CLIP1: variants seen among roughly 807,000 people sequenced by gnomAD.
The protein encoded by CLIP1 is CAP-Gly domain containing linker protein 1.
In CLIP1, 66 loss-of-function variants were observed where a neutral mutation model predicts 161.6. The observed-to-expected ratio is 0.41, with a 90% CI of 0.33 to 0.50. The LOEUF (loss-of-function observed/expected upper bound fraction) is 0.50. Ranked by LOEUF, CLIP1 falls within the 20% of genes least tolerant of loss-of-function variation. The probability of loss-of-function intolerance (pLI) is 0.27; values close to 1 mark genes in which losing one functional copy is unlikely to be tolerated. For missense variants in CLIP1, 1,376 were observed against 1,702.0 expected (o/e 0.81, Z 3.37); for synonymous variants, 598 against 626.2 (o/e 0.96, Z 0.67).
intron 5 of CLIP1, among the ~76,000 whole-genome samples, chr12:122,358,257 C>G (rs1434946723): frequency 6.6e-6 from 1 of 151,168 alleles, no homozygotes; most frequent in Non-Finnish European, 1.5e-5. Context: ...CGTTAAGAGT[C>G]ATCACCACTC....
At chr12:122,319,175 C>T (rs987257127) in intron 18 of CLIP1, 57 bp downstream of exon 18, 7 of 1,218,796 alleles carry the variant, frequency 5.7e-6, no homozygotes, top group African/African-American at 4.5e-5. Context: ...AGTGACCAAA[C>T]ATTCTACCAA....
intron 1 of CLIP1, among the ~76,000 whole-genome samples, chr12:122,390,187 A>ATATATATATATG: frequency 7.3e-6 from 1 of 136,906 alleles, no homozygotes; most frequent in East Asian, 2.2e-4. Context: ...ATATATATAT[A>ATATATATATATG]TATATATATA....
At chr12:122,273,937 G>T in intron 25 of CLIP1, 101 bp downstream of exon 25, 1 of 917,862 alleles carries the variant, frequency 1.1e-6, no homozygotes, top group Non-Finnish European at 1.7e-6. Flanking sequence ...TCATCGTGTT[G>T]GCCAGGCTGG....
chr12:122,407,104 C>T (rs1593262425), intron 1 of CLIP1, among the ~76,000 whole-genome samples: 2 of 152,048 alleles, frequency 1.3e-5, no homozygotes, highest in African/African-American at 4.8e-5. Context: ...CTAGTATCTC[C>T]CAGAAGAACT....
intron 1 of CLIP1, among the ~76,000 whole-genome samples, chr12:122,389,596 T>A (rs1220092718): frequency 1.3e-5 from 2 of 151,688 alleles, no homozygotes; most frequent in Non-Finnish European, 2.9e-5. Flanking sequence ...CCGTCTCTAC[T>A]AAACATACAA....
chr12:122,369,026 T>C (rs1954303372), intron 3 of CLIP1, among the ~76,000 whole-genome samples: 1 of 151,888 alleles, frequency 6.6e-6, no homozygotes, highest in African/African-American at 2.4e-5. Context: ...TTTTTTTTTT[T>C]CCTTCTTTTT....
chr12:122,398,594 A>G (rs1300674938), intron 1 of CLIP1, among the ~76,000 whole-genome samples: 1 of 152,082 alleles, frequency 6.6e-6, no homozygotes, highest in Non-Finnish European at 1.5e-5. Flanking sequence ...TTGCCCAGGC[A>G]TGGTGGCTCA....
intron 18 of CLIP1, among the ~76,000 whole-genome samples, chr12:122,318,328 T>C (rs1948304793): frequency 6.6e-6 from 1 of 151,972 alleles, no homozygotes; most frequent in South Asian, 2.1e-4. Context: ...AGGTCAGGAG[T>C]TCCAGAACAG....
chr12:122,278,714 C>A (rs560813300), intron 23 of CLIP1, 78 bp downstream of exon 23: 22 of 1,441,148 alleles, frequency 1.5e-5, no homozygotes, highest in Non-Finnish European at 2.0e-5. Context: ...GAGCTGTCTT[C>A]GAAGAGCATC....
intron 3 of CLIP1, among the ~76,000 whole-genome samples, chr12:122,364,568 T>G (rs1954033418): frequency 6.8e-6 from 1 of 148,126 alleles, no homozygotes; most frequent in African/African-American, 2.6e-5. Flanking sequence ...AAACAGGCTA[T>G]TTTTTTTTGT....
intron 6 of CLIP1, 116 bp downstream of exon 6, chr12:122,354,999 A>C: frequency 1.2e-6 from 1 of 841,152 alleles, no homozygotes; most frequent in Non-Finnish European, 1.9e-6. Flanking sequence ...AGAAATGTAC[A>C]CCCATTTCTT....
intron 1 of CLIP1, among the ~76,000 whole-genome samples, chr12:122,390,313 T>C (rs1955599442): frequency 7.0e-6 from 1 of 141,954 alleles, no homozygotes; most frequent in African/African-American, 2.6e-5. Context: ...TGTATATATA[T>C]ATATATTATT....
In CLIP1 at chr12:122,406,768, T is replaced by C. The variant is rs899585883; in HGVS notation, c.-107+15753A>G. 3.3e-4 allele frequency among the ~76,000 whole-genome samples: 50 copies of C among 152,112 alleles called. 1 individual carries two copies. The highest frequency in any genetic ancestry group is 3.0e-3 in the Admixed American group (45 of 15,236). On this transcript the variant is annotated intron_variant, in intron 1 of 25. Coordinates refer to ENST00000620786, the MANE Select transcript of CLIP1 (RefSeq NM_001247997.2). ...ATTAAAAACTAACCCAGGGAGAAGG[T>C]TGGGGCATAAGACAATGTTTTTTTT...
At chr12:122,288,001 A>G (rs1180431907) in intron 21 of CLIP1, among the ~76,000 whole-genome samples, 3 of 152,040 alleles carry the variant, frequency 2.0e-5, no homozygotes, top group Admixed American at 6.6e-5. Flanking sequence ...TTTTTGTTTT[A>G]GTAATAGTGA....
chr12:122,281,080 C>CA (rs1955626043), intron 21 of CLIP1, among the ~76,000 whole-genome samples: 1 of 152,166 alleles, frequency 6.6e-6, no homozygotes, highest in South Asian at 2.1e-4. Context: ...TGACTTATGG[C>CA]AAATTGAAAC....
chr12:122,314,192 GA>G (rs964066937), intron 19 of CLIP1, among the ~76,000 whole-genome samples: 4 of 151,482 alleles, frequency 2.6e-5, no homozygotes, highest in Admixed American at 6.6e-5. Flanking sequence ...TCGGGAGGCT[GA>G]GGCAGGAGAA....
chr12:122,326,741 G>C (rs1951725980), intron 17 of CLIP1, among the ~76,000 whole-genome samples: 1 of 151,836 alleles, frequency 6.6e-6, no homozygotes, highest in African/African-American at 2.4e-5. Flanking sequence ...GTTTGCTCAG[G>C]CTGAAACATT....
intron 1 of CLIP1, among the ~76,000 whole-genome samples, chr12:122,406,399 A>G (rs1956331348): frequency 6.6e-6 from 1 of 152,360 alleles, no homozygotes; most frequent in East Asian, 1.9e-4. Context: ...TTCAGACACT[A>G]AAGGACTGAC....
At chr12:122,278,283 G>C (rs771526554) in intron 23 of CLIP1, 80 bp from the exon 24 acceptor site, 26 of 1,269,704 alleles carry the variant, frequency 2.0e-5, no homozygotes, top group Non-Finnish European at 2.3e-5. Flanking sequence ...AAACTGCAGT[G>C]AAAGGGCCTG....
Sources: allele counts gnomAD v4.1 joint callset (sites outside exome capture counted in the v4.1 genomes callset), GRCh38; gene constraint gnomAD v4.1.1; transcripts MANE v1.5; gene names NCBI Gene and HGNC (gene_info 2026-07-23, HGNC 2026-07-21).